Variants in U2AF2 observed in about 807,000 individuals in gnomAD.
U2AF2 encodes U2 small nuclear RNA auxiliary factor 2.
A neutral mutation model predicts 52.6 loss-of-function variants in U2AF2; 6 were observed. That is an observed-to-expected ratio of 0.11 (90% CI 0.06 to 0.23). The LOEUF (loss-of-function observed/expected upper bound fraction) is 0.23. U2AF2 is among the 10% of genes least tolerant of loss of function. U2AF2 has a pLI of 1.00. For synonymous variants in U2AF2, 284 were observed against 258.2 expected (o/e 1.10, Z -0.96); for missense variants, 222 against 677.1 (o/e 0.33, Z 7.46).
chr19:55,667,044 C>T (rs1392408759), intron 7 of U2AF2, among the ~76,000 whole-genome samples: 5 of 152,170 alleles, frequency 3.3e-5, no homozygotes, highest in Non-Finnish European at 5.9e-5. Context: ...TTCCTGCTCC[C>T]GGGCTGCTGC....
At position 55,674,281 on chromosome 19, in the gene U2AF2, A is replaced by C; in HGVS notation, c.*213A>C. The C allele has an allele frequency of 1.9e-6, 1 of 534,192 alleles. No individual in the cohort carries two copies. The highest frequency in any genetic ancestry group is 3.3e-6 in the Non-Finnish European group (1 of 300,296). The allele number at this position is 534,192 out of a possible 1,614,324, so 33.1% of individuals were successfully genotyped here. A position where few individuals can be genotyped will look rare whatever the true frequency, so the allele number is the denominator to read the frequency against. ...GGGAGGGGACTGGGGAAGTGCGCAC[A>C]CAGCCCACACAGACAACACGCACCC... On this transcript the variant is annotated 3_prime_UTR_variant, in exon 12 of 12. Transcript: ENST00000308924.
chr19:55,669,196 A>G lies in U2AF2; in HGVS notation c.1044+15A>G. ...TGAGCCCCCCGGCACGTCATCTTCC[A>G]TTGGCTTGAGGGACCCTGGGGGTGG... is the stretch of plus-strand genomic sequence containing the variant. On this transcript the variant is annotated intron_variant, in intron 10 of 11. Coordinates refer to ENST00000308924, the MANE Select transcript of U2AF2 (RefSeq NM_007279.3). 15 of 1,613,222 alleles carry G rather than the reference A, an allele frequency of 9.3e-6. No homozygotes were observed. Among genetic ancestry groups the G allele is most frequent in the Non-Finnish European group, 1.3e-5 (15 of 1,179,620 alleles).
chr19:55,674,284 GCCCACACAGACAACACGCA>G lies in U2AF2; in HGVS notation c.*229_*247del, dbSNP rs1297378244. The G allele has an allele frequency of 2.0e-5, 11 of 538,680 alleles. No homozygotes were observed. The highest frequency in any genetic ancestry group is 1.0e-4 in the Admixed American group (3 of 28,934). The allele number at this position is 538,680 out of a possible 1,614,324, so 33.4% of individuals were successfully genotyped here. On this transcript the variant is annotated 3_prime_UTR_variant, in exon 12 of 12. Coordinates refer to ENST00000308924, the MANE Select transcript of U2AF2 (RefSeq NM_007279.3). ...AGGGGACTGGGGAAGTGCGCACACA[GCCCACACAGACAACACGCA>G]CCCACACAGACACAGAGGGAAGGGG...
rs1332716567 is a variant in U2AF2 at position 55,668,882 on chromosome 19, G to A, written c.945+90G>A. On this transcript the variant is annotated intron_variant, in intron 9 of 11. Transcript: ENST00000308924. The surrounding 1 kb of genome is among the most constrained non-coding windows in gnomAD (Gnocchi z 5.5). The stretch of plus-strand genomic sequence containing the variant: ...ATGGTCTCCCCTCCTCAGGGGACGG[G>A]GCGGGAGGCGGCCAACCTGAGGCAG... 4 of 1,545,116 alleles carry A rather than the reference G, an allele frequency of 2.6e-6. No individual in the cohort carries two copies. The African/African-American group carries it at 5.4e-5, about 21-fold the overall frequency.
chr19:55,660,432 AG>A (rs1984102296), intron 3 of U2AF2, 83 bp from the exon 4 acceptor site: 1 of 1,185,780 alleles, frequency 8.4e-7, no homozygotes, highest in Non-Finnish European at 1.2e-6. Context: ...GGAGGGTGAA[AG>A]GGTGCCTGGG....
At chr19:55,657,652 TC>T (rs145776339) in intron 1 of U2AF2, among the ~76,000 whole-genome samples, 2,532 of 152,320 alleles carry the variant, frequency 0.017, 82 homozygotes, top group African/African-American at 0.058. Flanking sequence ...TGCCGATTGT[TC>T]CTCCCAATTT....
At chr19:55,655,822 C>A (rs532535757) in intron 1 of U2AF2, among the ~76,000 whole-genome samples, 17 of 152,242 alleles carry the variant, frequency 1.1e-4, no homozygotes, top group Non-Finnish European at 2.1e-4. Flanking sequence ...CTAAAAGCAT[C>A]TGCATTCTTT....
intron 5 of U2AF2, among the ~76,000 whole-genome samples, chr19:55,661,588 C>A (rs1265015333): frequency 2.0e-5 from 3 of 151,646 alleles, no homozygotes; most frequent in Admixed American, 2.0e-4. Flanking sequence ...CTCTCGTTCT[C>A]TGCCGCCTGT....
intron 1 of U2AF2, among the ~76,000 whole-genome samples, chr19:55,655,567 C>T (rs1331142379): frequency 6.6e-6 from 1 of 152,286 alleles, no homozygotes; most frequent in Non-Finnish European, 1.5e-5. Flanking sequence ...CGGTCGGGCC[C>T]ACGGCAGCGT....
chr19:55,662,909 C>T (rs928089210), intron 6 of U2AF2, among the ~76,000 whole-genome samples: 1 of 152,086 alleles, frequency 6.6e-6, no homozygotes, highest in African/African-American at 2.4e-5. Context: ...CCACACTGAC[C>T]TTCCCAGAAC....
At position 55,669,353 on chromosome 19, in the gene U2AF2, C is replaced by T; in HGVS notation, c.1045-91C>T. The stretch of plus-strand genomic sequence containing the variant: ...GTTGGAAGTGGAGAGATGGCCTTTC[C>T]CCTGGGGGGGCATGTGAGGGGCCTA... On this transcript the variant is annotated intron_variant, in intron 10 of 11. Transcript: ENST00000308924. The T allele has an allele frequency of 3.9e-6, 6 of 1,543,556 alleles. No individual in the cohort carries two copies. The South Asian group carries it at 5.0e-5, about 13-fold the overall frequency.
At position 55,663,728 on chromosome 19, in the gene U2AF2, C is replaced by T; in HGVS notation, c.726C>T (p.Pro242=). The T allele has an allele frequency of 6.2e-7, 1 of 1,614,164 alleles. No individual in the cohort carries two copies. Among genetic ancestry groups the T allele is most frequent in the Non-Finnish European group, 8.5e-7 (1 of 1,180,034 alleles). Residue 242 remains proline (P), a synonymous_variant, in exon 7 of 12, where the codon CCC becomes CCT. Transcript: ENST00000308924. ...YQPLPGMSEN[P]SVYVPGVVST... ...CGCTTCCTGGCATGTCAGAGAACCC[C>T]TCCGTCTATGTGCCTGGTGAGTGGG... is the stretch of plus-strand genomic sequence containing the variant.
intron 11 of U2AF2, chr19:55,670,815 G>A (rs530356930): frequency 5.9e-6 from 1 of 170,118 alleles, no homozygotes; most frequent in Admixed American, 6.0e-5. Context: ...ACCCCACATA[G>A]TGAGGTTGGG....
chr19:55,664,813 G>C (rs1168353591), intron 7 of U2AF2, among the ~76,000 whole-genome samples: 1 of 152,102 alleles, frequency 6.6e-6, no homozygotes, highest in East Asian at 1.9e-4. Flanking sequence ...CGCCTCTAGG[G>C]TTCAAGCAAT....
intron 5 of U2AF2, 103 bp downstream of exon 5, chr19:55,661,292 C>T (rs1443170083): frequency 7.3e-6 from 9 of 1,240,372 alleles, no homozygotes; most frequent in Non-Finnish European, 9.5e-6. Context: ...AGACTCTGCT[C>T]CTGCAAGACC....
At chr19:55,658,701 T>C (rs1198757764) in intron 1 of U2AF2, among the ~76,000 whole-genome samples, 1 of 152,130 alleles carries the variant, frequency 6.6e-6, no homozygotes, top group Non-Finnish European at 1.5e-5. Context: ...TGGGAAGGGA[T>C]GGGTTGAGTT....
chr19:55,662,351 C>G (rs1278732261), intron 5 of U2AF2, 151 bp from the exon 6 acceptor site: 1 of 342,076 alleles, frequency 2.9e-6, no homozygotes, highest in Admixed American at 4.5e-5. Flanking sequence ...ACACCCCCAC[C>G]CATATTCCAC....
chr19:55,657,644 C>T (rs1188317728), intron 1 of U2AF2, among the ~76,000 whole-genome samples: 2 of 151,926 alleles, frequency 1.3e-5, no homozygotes, highest in African/African-American at 2.4e-5. Flanking sequence ...GCCTGTCCTG[C>T]CGATTGTTCC....
chr19:55,656,814 T>G lies in U2AF2; in HGVS notation c.49+1661T>G, dbSNP rs183220166. Among the ~76,000 whole-genome samples, 17 of 152,234 alleles carry G rather than the reference T, an allele frequency of 1.1e-4. No homozygotes were observed. The East Asian group carries it at 3.1e-3, about 28-fold the overall frequency. On this transcript the variant is annotated intron_variant, in intron 1 of 11. Coordinates refer to ENST00000308924, the MANE Select transcript of U2AF2 (RefSeq NM_007279.3). ...GTGTGGCATGTGGCTTTGCGTACAC[T>G]GGGTGTGCAGTAAGCGATATTTGCA...
Sources: allele counts gnomAD v4.1 joint callset (sites outside exome capture counted in the v4.1 genomes callset), GRCh38; gene constraint gnomAD v4.1.1; non-coding constraint Gnocchi (gnomAD v3.1); transcripts MANE v1.5; gene names NCBI Gene and HGNC (gene_info 2026-07-23, HGNC 2026-07-21).